Variants in EFR3B observed in about 807,000 individuals in gnomAD.
The protein encoded by EFR3B is protein EFR3 homolog B.
A neutral mutation model predicts 104.7 loss-of-function variants in EFR3B; 64 were observed. That is an observed-to-expected ratio of 0.61 (90% CI 0.50 to 0.75). The LOEUF (loss-of-function observed/expected upper bound fraction) is 0.75, where lower values mean the gene tolerates loss of function less well. EFR3B is among the 30% of genes least tolerant of loss of function. EFR3B has a pLI of 0.00. For synonymous variants in EFR3B, 385 were observed against 417.9 expected, an observed-to-expected ratio of 0.92 and a Z score of 0.96; for missense variants, 750 against 1,078.5, an observed-to-expected ratio of 0.70 and a Z score of 4.27.
intron 20 of EFR3B, among the ~76,000 whole-genome samples, chr2:25,150,783 G>C (rs916508548): frequency 1.3e-5 from 2 of 151,904 alleles, no homozygotes; most frequent in Admixed American, 6.6e-5. Context: ...GCTAATTTTT[G>C]TATTTTTAGT....
rs531667109 is a variant in EFR3B, at chr2:25,046,506, C to CTTTTT, written c.7+4199_7+4203dup. On this transcript the variant is annotated intron_variant, in intron 1 of 22. Transcript: ENST00000403714. The stretch of plus-strand genomic sequence containing the variant: ...GCAGGCTCCCCCTGAAGTACAAAGT[C>CTTTTT]TTTTTTTTTTTTTTTTGAGACGGAG... Among the ~76,000 whole-genome samples the CTTTTT allele has an allele frequency of 3.4e-4, 40 of 119,108 alleles. 1 individual carries two copies. Among genetic ancestry groups the CTTTTT allele is most frequent in the East Asian group, 6.1e-4 (2 of 3,258 alleles). 78.1% of individuals were successfully genotyped at this position (119,108 alleles called of 152,430 possible).
chr2:25,084,400 C>T (rs1038264843), intron 1 of EFR3B, among the ~76,000 whole-genome samples: 1 of 151,948 alleles, frequency 6.6e-6, no homozygotes, highest in African/African-American at 2.4e-5. Flanking sequence ...CCACGCCCTG[C>T]TAATTTTTTT....
rs990032160 is a variant in EFR3B, at chr2:25,156,444, T to C, written c.*2104T>C. 3.9e-5 allele frequency: 6 copies of C among 152,086 alleles called. No homozygotes were observed. Among genetic ancestry groups the C allele is most frequent in the African/African-American group, 1.4e-4 (6 of 41,402 alleles). 9.4% of individuals were successfully genotyped at this position (152,086 alleles called of 1,614,324 possible). The stretch of plus-strand genomic sequence containing the variant: ...TCCTGAGTAGCTGGGATTACAGGCG[T>C]GCACCACCACGCCTGGCGAATTTTG... On this transcript the variant is annotated 3_prime_UTR_variant, in exon 23 of 23. Transcript: ENST00000403714.
At chr2:25,101,920 AAAAAC>A (rs139486141) in intron 3 of EFR3B, among the ~76,000 whole-genome samples, 180 of 152,352 alleles carry the variant, frequency 1.2e-3, no homozygotes, top group African/African-American at 4.2e-3. Flanking sequence ...AACAAAAACA[AAAAAC>A]AAAACCTCTC....
chr2:25,148,783 G>A (rs1385940873), intron 19 of EFR3B, among the ~76,000 whole-genome samples: 4 of 151,032 alleles, frequency 2.6e-5, no homozygotes, highest in Non-Finnish European at 3.0e-5. Context: ...TTAGCCGGGC[G>A]TAGTGGTGGG....
intron 1 of EFR3B, among the ~76,000 whole-genome samples, chr2:25,082,604 G>A (rs1040745097): frequency 1.3e-5 from 2 of 152,154 alleles, no homozygotes; most frequent in Non-Finnish European, 2.9e-5. Context: ...TGAAATTACT[G>A]ACCTTGAAAT....
rs1160167098 is a variant in EFR3B at position 25,129,450 on chromosome 2, TG to T, written c.636-522del. Among the ~76,000 whole-genome samples, 3 of 142,246 alleles carry T rather than the reference TG, an allele frequency of 2.1e-5. No individual in the cohort carries two copies. The East Asian group carries it at 6.3e-4, about 30-fold the overall frequency. The allele number at this position is 142,246 out of a possible 152,430, so 93.3% of individuals were successfully genotyped here. ...TGACAAGCTGCTGTGGTCTCTGGGC[TG>T]GGAGTCCTCCGGCTCCTGTTCTGTC... On this transcript the variant is annotated intron_variant, in intron 6 of 22. Transcript: ENST00000403714.
At chr2:25,142,754 G>T (rs1670706696) in intron 17 of EFR3B, among the ~76,000 whole-genome samples, 1 of 145,200 alleles carries the variant, frequency 6.9e-6, no homozygotes, top group African/African-American at 2.6e-5. Context: ...GAGAGACTTG[G>T]TCTAAGAAAT....
In EFR3B at chr2:25,131,350, C is replaced by G; in HGVS notation, c.850-18C>G. The G allele has an allele frequency of 6.5e-7, 1 of 1,548,956 alleles. No individual in the cohort carries two copies. The highest frequency in any genetic ancestry group is 8.7e-7 in the Non-Finnish European group (1 of 1,145,760). Reference sequence around the variant, plus strand: ...CCGTGGGGTTGCTGTCCAGGCCCAGCTCATCTTCCTCCCGCAGCCGCAGCA... The same window carrying G: ...CCGTGGGGTTGCTGTCCAGGCCCAGGTCATCTTCCTCCCGCAGCCGCAGCA... On this transcript the variant is annotated intron_variant, in intron 8 of 22. Transcript: ENST00000403714. The surrounding 1 kb of genome is among the most constrained non-coding windows in gnomAD (Gnocchi z 7.6).
At chr2:25,050,213 T>C (rs2149163593) in intron 1 of EFR3B, among the ~76,000 whole-genome samples, 1 of 151,806 alleles carries the variant, frequency 6.6e-6, no homozygotes, top group African/African-American at 2.4e-5. Context: ...CCATTGATGG[T>C]TTGAAACTGT....
At chr2:25,105,080 C>G (rs1486951101) in intron 4 of EFR3B, among the ~76,000 whole-genome samples, 1 of 152,190 alleles carries the variant, frequency 6.6e-6, no homozygotes, top group Non-Finnish European at 1.5e-5. Flanking sequence ...TTAAGTGAAG[C>G]TTTTATCTAT....
intron 21 of EFR3B, among the ~76,000 whole-genome samples, chr2:25,152,296 T>C (rs930846816): frequency 2.0e-5 from 3 of 152,164 alleles, no homozygotes; most frequent in African/African-American, 7.2e-5. Context: ...ACTTCTCACA[T>C]AAGGAAGAAG....
intron 1 of EFR3B, among the ~76,000 whole-genome samples, chr2:25,074,070 G>C (rs182361370): frequency 1.1e-3 from 165 of 152,278 alleles, no homozygotes; most frequent in African/African-American, 3.9e-3. Flanking sequence ...GGCACAGTGG[G>C]GGGGACTCAT....
chr2:25,156,133 CG>C lies in EFR3B; in HGVS notation c.*1797del, dbSNP rs1671161563. 1 of 151,992 alleles carries C rather than the reference CG, an allele frequency of 6.6e-6. No individual in the cohort carries two copies. The highest frequency in any genetic ancestry group is 1.5e-5 in the Non-Finnish European group (1 of 68,012). 9.4% of individuals were successfully genotyped at this position (151,992 alleles called of 1,614,324 possible). A position where few individuals can be genotyped will look rare whatever the true frequency, so the allele number is the denominator to read the frequency against. On this transcript the variant is annotated 3_prime_UTR_variant, in exon 23 of 23. Coordinates refer to ENST00000403714, the MANE Select transcript of EFR3B (RefSeq NM_014971.2). Reference sequence around the variant, plus strand: ...GTTAGGTGGATGTATTTTCCAGAATCGGGGAGGGACTGAACACGAGCATTTC... The same window carrying C: ...GTTAGGTGGATGTATTTTCCAGAATCGGGAGGGACTGAACACGAGCATTTC...
At chr2:25,133,482 C>T (rs1473394430) in intron 12 of EFR3B, 48 bp downstream of exon 12, 2 of 1,541,628 alleles carry the variant, frequency 1.3e-6, no homozygotes, top group African/African-American at 2.7e-5. Context: ...CAGGAGACAG[C>T]TCCTTCCAAG....
At chr2:25,110,686 CAA>C (rs1453488893) in intron 4 of EFR3B, among the ~76,000 whole-genome samples, 4 of 152,116 alleles carry the variant, frequency 2.6e-5, no homozygotes, top group South Asian at 2.1e-4. Context: ...AATTAATAAA[CAA>C]GAGAAAAACA....
rs938358602 is a variant in EFR3B at position 25,154,335 on chromosome 2, T to C, written c.2449T>C (p.Tyr817His). ...AATGAAGTTTCCCGATCTGTGTGTATACTGAATTCCAAGAGCCTGAGCTCC... is the reference window on the plus strand; with the variant it reads ...AATGAAGTTTCCCGATCTGTGTGTACACTGAATTCCAAGAGCCTGAGCTCC... ...YEMKFPDLCV[Y>H] Residue 817 changes from tyrosine (Y) to histidine (H), a missense_variant, in exon 23 of 23, where the codon TAC becomes CAC. Tyr to His is a moderately conservative substitution (Grantham distance 83). Transcript: ENST00000403714. This position sits in a 1 kb window ranked among gnomAD's most constrained non-coding sequence, Gnocchi z 4.1. The C allele has an allele frequency of 3.2e-6, 5 of 1,552,050 alleles. No homozygotes were observed. In the African/African-American group the frequency reaches 6.8e-5, roughly 21 times the overall value.
rs139757888 is a variant in EFR3B, at chr2:25,114,287, G to A, written c.364-7386G>A. On this transcript the variant is annotated intron_variant, in intron 4 of 22. Transcript: ENST00000403714. This position sits in a 1 kb window ranked among gnomAD's most constrained non-coding sequence, Gnocchi z 4.0. ...GCCCCAACAGGGACCCACGGACAGC[G>A]CTCCCTGACCAGGTGACCTAGCTGG... is the stretch of plus-strand genomic sequence containing the variant. Among the ~76,000 whole-genome samples the A allele has an allele frequency of 2.5e-3, 385 of 152,248 alleles. No homozygotes were observed. The highest frequency in any genetic ancestry group is 8.9e-3 in the African/African-American group (368 of 41,550).
In EFR3B at chr2:25,156,762, A is replaced by G. The variant is rs905822473; in HGVS notation, c.*2422A>G. ...TTAGTATTTATATATTTAAAAACCAAGTTTAAATTAACTCAAACTTGACAG... is the reference window on the plus strand; with the variant it reads ...TTAGTATTTATATATTTAAAAACCAGGTTTAAATTAACTCAAACTTGACAG... On this transcript the variant is annotated 3_prime_UTR_variant, in exon 23 of 23. Coordinates refer to ENST00000403714, the MANE Select transcript of EFR3B (RefSeq NM_014971.2). 1 of 152,220 alleles carries G rather than the reference A, an allele frequency of 6.6e-6. No homozygotes were observed. Among genetic ancestry groups the G allele is most frequent in the Non-Finnish European group, 1.5e-5 (1 of 68,026 alleles). 9.4% of individuals were successfully genotyped at this position (152,220 alleles called of 1,614,324 possible). A position where few individuals can be genotyped will look rare whatever the true frequency, so the allele number is the denominator to read the frequency against.
Sources: allele counts gnomAD v4.1 joint callset (sites outside exome capture counted in the v4.1 genomes callset), GRCh38; gene constraint gnomAD v4.1.1; non-coding constraint Gnocchi (gnomAD v3.1); transcripts MANE v1.5; gene names NCBI Gene and HGNC (gene_info 2026-07-23, HGNC 2026-07-21).